The following NDUFA9 variants were observed in gnomAD, a reference collection of about 807,000 sequenced individuals.
NDUFA9 encodes NADH:ubiquinone oxidoreductase subunit A9, also known as NADH dehydrogenase [ubiquinone] 1 alpha subcomplex subunit 9, mitochondrial.
NDUFA9 carries 23 observed loss-of-function variants against 45.9 expected under a neutral mutation model. That is an observed-to-expected ratio of 0.50 (90% CI 0.36 to 0.71). NDUFA9 has a LOEUF of 0.71. Ranked by LOEUF, NDUFA9 falls within the 30% of genes least tolerant of loss-of-function variation. The pLI, the probability that NDUFA9 is intolerant of heterozygous loss-of-function variation, is 0.00. For missense variants in NDUFA9, 466 were observed against 488.2 expected (o/e 0.95, Z 0.43); for synonymous variants, 176 against 170.5 (o/e 1.03, Z -0.25).
At chr12:4,676,899 T>C (rs1382781432) in intron 8 of NDUFA9, among the ~76,000 whole-genome samples, 2 of 152,124 alleles carry the variant, frequency 1.3e-5, no homozygotes, top group Non-Finnish European at 2.9e-5. Flanking sequence ...GACTTCAAAC[T>C]ATACTACAAG....
intron 8 of NDUFA9, among the ~76,000 whole-genome samples, chr12:4,675,495 A>C (rs1945914271): frequency 6.6e-6 from 1 of 152,258 alleles, no homozygotes; most frequent in East Asian, 1.9e-4. Context: ...CTGATCCCAC[A>C]GAAATACTAA....
At chr12:4,681,369 C>A (rs1945951060) in intron 8 of NDUFA9, among the ~76,000 whole-genome samples, 1 of 151,208 alleles carries the variant, frequency 6.6e-6, no homozygotes, top group African/African-American at 2.4e-5. Flanking sequence ...AGAATTCTTA[C>A]AAATTATTTT....
chr12:4,679,733 C>T (rs1565571747), intron 8 of NDUFA9, among the ~76,000 whole-genome samples: 1 of 152,072 alleles, frequency 6.6e-6, no homozygotes, highest in Non-Finnish European at 1.5e-5. Flanking sequence ...AGAAGTTTCC[C>T]TGTAAAAGGG....
At position 4,654,827 on chromosome 12, in the gene NDUFA9, C is replaced by T. The variant is rs767462328; in HGVS notation, c.223C>T (p.Arg75Cys). 3.4e-5 allele frequency: 55 copies of T among 1,609,018 alleles called. No homozygotes were observed. In the East Asian group the frequency reaches 6.7e-4, roughly 20 times the overall value. ...LGRYVVNHLG[R>C]MGSQVIIPYR... ...TTTTTCAATCCATTCTCTTTTAGGA[C>T]GCATGGGGTCACAGGTAATCATACC... The change falls in exon 3 of 11, where the codon CGC becomes TGC. Residue 75 changes from arginine (R) to cysteine (C), a missense_variant and splice_region_variant. Arg to Cys is a radical substitution (Grantham distance 180). Coordinates refer to ENST00000266544, the MANE Select transcript of NDUFA9 (RefSeq NM_005002.5).
In NDUFA9 at chr12:4,693,694, C is replaced by T. The variant is rs1433543995; in HGVS notation, c.*6586C>T. 1.3e-5 allele frequency: 2 copies of T among 152,110 alleles called. No individual in the cohort carries two copies. The highest frequency in any genetic ancestry group is 2.4e-5 in the African/African-American group (1 of 41,416). 9.4% of individuals were successfully genotyped at this position (152,110 alleles called of 1,614,324 possible). A position where few individuals can be genotyped will look rare whatever the true frequency, so the allele number is the denominator to read the frequency against. On this transcript the variant is annotated 3_prime_UTR_variant, in exon 11 of 11. Transcript: ENST00000266544. Reference sequence around the variant, plus strand: ...AAGTATCATATTAATAAAACATTGCCCATTAACACCTTAGCACAAATTAAA... The same window carrying T: ...AAGTATCATATTAATAAAACATTGCTCATTAACACCTTAGCACAAATTAAA...
At chr12:4,672,013 G>C (rs775081796) in intron 8 of NDUFA9, among the ~76,000 whole-genome samples, 2 of 152,226 alleles carry the variant, frequency 1.3e-5, no homozygotes, top group Admixed American at 6.5e-5. Flanking sequence ...CAGAAGGCGA[G>C]TGATTTCTGC....
At chr12:4,682,070 A>AT (rs1945956027) in intron 8 of NDUFA9, 135 bp from the exon 9 acceptor site, 9 of 510,844 alleles carry the variant, frequency 1.8e-5, no homozygotes, top group Non-Finnish European at 3.1e-5. Flanking sequence ...ATTATGGGTG[A>AT]TTTTTCTTTG....
At chr12:4,670,026 A>G (rs749642619) in intron 8 of NDUFA9, among the ~76,000 whole-genome samples, 2 of 152,192 alleles carry the variant, frequency 1.3e-5, no homozygotes, top group Non-Finnish European at 1.5e-5. Flanking sequence ...GCCCTAGACT[A>G]TTACATATAC....
In NDUFA9 at chr12:4,693,916, A is replaced by G. The variant is rs1325191994; in HGVS notation, c.*6808A>G. 2.6e-5 allele frequency: 4 copies of G among 152,224 alleles called. No individual in the cohort carries two copies. The highest frequency in any genetic ancestry group is 5.9e-5 in the Non-Finnish European group (4 of 68,030). 9.4% of individuals were successfully genotyped at this position (152,224 alleles called of 1,614,324 possible). A position where few individuals can be genotyped will look rare whatever the true frequency, so the allele number is the denominator to read the frequency against. On this transcript the variant is annotated 3_prime_UTR_variant, in exon 11 of 11. Coordinates refer to ENST00000266544, the MANE Select transcript of NDUFA9 (RefSeq NM_005002.5). ...AAAACAAGAGAAGTGACAGCTTTAT[A>G]GCATCTGATTGGGGAAAAACACATC...
chr12:4,689,313 T>A lies in NDUFA9; in HGVS notation c.*2205T>A, dbSNP rs986681150. ...TTTTATTTTTTATTTTTTATTTTTT[T>A]ATTTTTATTGATCATTCTTGGGTGT... On this transcript the variant is annotated 3_prime_UTR_variant, in exon 11 of 11. Transcript: ENST00000266544. 1.3e-5 allele frequency: 2 copies of A among 152,718 alleles called. No homozygotes were observed. The highest frequency in any genetic ancestry group is 2.4e-5 in the African/African-American group (1 of 41,432). 9.5% of individuals were successfully genotyped at this position (152,718 alleles called of 1,614,324 possible).
In NDUFA9 at chr12:4,689,755, CT is replaced by C; in HGVS notation, c.*2651del. On this transcript the variant is annotated 3_prime_UTR_variant, in exon 11 of 11. Coordinates refer to ENST00000266544, the MANE Select transcript of NDUFA9 (RefSeq NM_005002.5). ...CTCTATCTTTTCCCCACATTTCCCC[CT>C]TTTCTATTCCGCAAAACCACCATCG... 1.1e-5 allele frequency: 2 copies of C among 179,118 alleles called. No homozygotes were observed. The highest frequency in any genetic ancestry group is 2.3e-5 in the Non-Finnish European group (2 of 88,202). 11.1% of individuals were successfully genotyped at this position (179,118 alleles called of 1,614,324 possible).
chr12:4,672,868 C>T (rs1461888382), intron 8 of NDUFA9, among the ~76,000 whole-genome samples: 1 of 152,226 alleles, frequency 6.6e-6, no homozygotes, highest in African/African-American at 2.4e-5. Flanking sequence ...CCCAGCACAG[C>T]ATTTGAGCTC....
intron 6 of NDUFA9, among the ~76,000 whole-genome samples, chr12:4,665,977 A>G (rs1425443170): frequency 1.3e-5 from 2 of 151,952 alleles, no homozygotes; most frequent in East Asian, 1.9e-4. Context: ...TAAAAAATAT[A>G]TATATTTTTG....
In NDUFA9 at chr12:4,682,235, G is replaced by T. The variant is rs150788651; in HGVS notation, c.831G>T (p.Val277=). Residue 277 remains valine (V), a synonymous_variant, in exon 9 of 11, where the codon GTG becomes GTT. Coordinates refer to ENST00000266544, the MANE Select transcript of NDUFA9 (RefSeq NM_005002.5). ...GPSRYLLFHL[V]KYIFAVAHRL... is the part of the protein sequence containing the mutation. Reference sequence around the variant, plus strand: ...GTCGGTACCTCCTTTTCCACCTGGTGAAGTACATCTTTGCTGTGGCTCACA... The same window carrying T: ...GTCGGTACCTCCTTTTCCACCTGGTTAAGTACATCTTTGCTGTGGCTCACA... The T allele has an allele frequency of 4.3e-6, 7 of 1,613,194 alleles. No individual in the cohort carries two copies. The African/African-American group carries it at 8.0e-5, about 18-fold the overall frequency.
chr12:4,668,098 A>G (rs1042462435), intron 6 of NDUFA9, among the ~76,000 whole-genome samples: 2 of 152,186 alleles, frequency 1.3e-5, no homozygotes, highest in East Asian at 1.9e-4. Flanking sequence ...CTCATCTGCC[A>G]TATCAACAGA....
rs760808863 is a variant in NDUFA9, at chr12:4,687,034, C to T, written c.1060C>T (p.Arg354Trp). 4.3e-6 allele frequency: 7 copies of T among 1,614,018 alleles called. No individual in the cohort carries two copies. Among genetic ancestry groups the T allele is most frequent in the Admixed American group, 1.7e-5 (1 of 59,998 alleles). The change falls in exon 11 of 11, where the codon CGG becomes TGG. Residue 354 changes from arginine to tryptophan, a missense_variant. Coordinates refer to ENST00000266544, the MANE Select transcript of NDUFA9 (RefSeq NM_005002.5). ...GGAACTCAAGGCCATTGAGGTGCTG[C>T]GGCGTCATCGCACTTACCGCTGGCT... ...PLELKAIEVL[R>W]RHRTYRWLSA... is the part of the protein sequence containing the mutation.
chr12:4,653,751 G>A (rs1945773000), intron 1 of NDUFA9: 6 of 343,054 alleles, frequency 1.7e-5, no homozygotes, highest in South Asian at 6.9e-5. Flanking sequence ...ATCTGCTTCC[G>A]ACCAGTATCA....
intron 1 of NDUFA9, among the ~76,000 whole-genome samples, chr12:4,650,917 C>T (rs1182971028): frequency 6.6e-6 from 1 of 152,048 alleles, no homozygotes; most frequent in African/African-American, 2.4e-5. Context: ...ACAATGGAGA[C>T]CTTTGAAAGC....
intron 5 of NDUFA9, among the ~76,000 whole-genome samples, 188 bp downstream of exon 5, chr12:4,659,365 A>G (rs1330994890): frequency 6.6e-6 from 1 of 152,148 alleles, no homozygotes; most frequent in African/African-American, 2.4e-5. Flanking sequence ...TTCTGTTTGC[A>G]GGGAACTGTG....
Sources: allele counts gnomAD v4.1 joint callset (sites outside exome capture counted in the v4.1 genomes callset), GRCh38; gene constraint gnomAD v4.1.1; transcripts MANE v1.5; gene names NCBI Gene and HGNC (gene_info 2026-07-23, HGNC 2026-07-21).